Variants in RARB observed in about 807,000 individuals in gnomAD.
RARB encodes HBV-activated protein.
RARB carries 17 observed loss-of-function variants against 51.9 expected under a neutral mutation model. The observed-to-expected ratio is 0.33, with a 90% CI of 0.22 to 0.49. The LOEUF is 0.49. RARB is among the 20% of genes least tolerant of loss of function. RARB has a pLI of 0.99. For synonymous variants in RARB, 215 were observed against 195.4 expected (o/e 1.10, Z -0.84); for missense variants, 369 against 550.8 (o/e 0.67, Z 3.30).
chr3:25,236,428 T>C (rs762381023), intron 5 of RARB, among the ~76,000 whole-genome samples: 1 of 152,158 alleles, frequency 6.6e-6, no homozygotes, highest in Non-Finnish European at 1.5e-5. Context: ...CTGCTGACCT[T>C]CTAAAGACTA....
intron 5 of RARB, among the ~76,000 whole-genome samples, chr3:25,218,440 T>G (rs945871856): frequency 6.6e-6 from 1 of 152,084 alleles, no homozygotes; most frequent in Non-Finnish European, 1.5e-5. Flanking sequence ...TTGTGAAAAG[T>G]GTCATTGTAA....
chr3:25,440,594 A>T (rs1708627172), intron 1 of RARB, among the ~76,000 whole-genome samples: 1 of 152,078 alleles, frequency 6.6e-6, no homozygotes, highest in Non-Finnish European at 1.5e-5. Flanking sequence ...AATGTGGTGA[A>T]ACCCCGTCTC....
chr3:25,496,448 T>A (rs1053811715), intron 2 of RARB, among the ~76,000 whole-genome samples: 38 of 152,140 alleles, frequency 2.5e-4, no homozygotes, highest in African/African-American at 8.9e-4. Flanking sequence ...GAACCAGCCT[T>A]TATACCTATC....
At chr3:25,254,523 T>C (rs572029520) in intron 5 of RARB, among the ~76,000 whole-genome samples, 5 of 152,186 alleles carry the variant, frequency 3.3e-5, no homozygotes, top group African/African-American at 4.8e-5. Flanking sequence ...AATATCATTA[T>C]TGGGACACTA....
Position 25,235,130 on chromosome 3 carries a change from T to C in RARB, c.178+60555T>C, listed in dbSNP as rs139417755. ...CACAGGCCACTAAGCTTATCCTCAGTAAACCAGAAAACTTAGTGGTTCTGG... is the reference window on the plus strand; with the variant it reads ...CACAGGCCACTAAGCTTATCCTCAGCAAACCAGAAAACTTAGTGGTTCTGG... On this transcript the variant is annotated intron_variant, in intron 5 of 11. Transcript: ENST00000383772. Among the ~76,000 whole-genome samples, 300 of 152,314 alleles carry C rather than the reference T, an allele frequency of 2.0e-3. 1 individual carries two copies. The highest frequency in any genetic ancestry group is 5.5e-3 in the African/African-American group (229 of 41,580).
At chr3:25,232,306 A>T (rs753734762) in intron 5 of RARB, among the ~76,000 whole-genome samples, 18 of 152,164 alleles carry the variant, frequency 1.2e-4, no homozygotes, top group Non-Finnish European at 2.4e-4. Context: ...TAACAACTTC[A>T]GTTCCTTTGA....
upstream of RARB, among the ~76,000 whole-genome samples, chr3:25,426,812 T>C (rs1362857899): frequency 6.6e-6 from 1 of 152,234 alleles, no homozygotes; most frequent in African/African-American, 2.4e-5. Flanking sequence ...AGATTGGCTC[T>C]CCCTTTTAAA....
At position 25,044,857 on chromosome 3, in the gene RARB, C is replaced by G. The variant is rs186111853; in HGVS notation, c.-379-15268C>G. On this transcript the variant is annotated intron_variant, in intron 2 of 11. Transcript: ENST00000383772. ...CCAGTACTGGAATCTTTGAACCATTCTTTCCCCCAGACAGCAGTCCTGTCT... is the reference window on the plus strand; with the variant it reads ...CCAGTACTGGAATCTTTGAACCATTGTTTCCCCCAGACAGCAGTCCTGTCT... Among the ~76,000 whole-genome samples the G allele has an allele frequency of 1.8e-3, 276 of 152,278 alleles. 1 individual carries two copies. The highest frequency in any genetic ancestry group is 6.4e-3 in the African/African-American group (268 of 41,552).
rs565204711 is a variant in RARB, at chr3:25,497,788, A to G, written c.307-3394A>G. 3.9e-5 allele frequency among the ~76,000 whole-genome samples: 6 copies of G among 152,114 alleles called. No homozygotes were observed. The South Asian group carries it at 1.2e-3, about 32-fold the overall frequency. On this transcript the variant is annotated intron_variant, in intron 2 of 7. Coordinates refer to ENST00000330688, the MANE Select transcript of RARB (RefSeq NM_000965.5). ...TCCTCTGTACACGCTCAACTTTTGA[A>G]CCTCCTCTTCTCCAGATGTGTCTAA...
chr3:24,922,552 A>C (rs1258530932), intron 2 of RARB, among the ~76,000 whole-genome samples: 1 of 152,182 alleles, frequency 6.6e-6, no homozygotes, highest in Non-Finnish European at 1.5e-5. Flanking sequence ...ATCCTGTCAA[A>C]AGTCACACAC....
intron 2 of RARB, among the ~76,000 whole-genome samples, chr3:24,988,497 T>A (rs1325650394): frequency 6.6e-6 from 1 of 152,202 alleles, no homozygotes; most frequent in Non-Finnish European, 1.5e-5. Context: ...TCCAATCTCA[T>A]TTCCTTCCCT....
chr3:25,220,520 G>A (rs1701924576), intron 5 of RARB, among the ~76,000 whole-genome samples: 1 of 152,172 alleles, frequency 6.6e-6, no homozygotes, highest in Admixed American at 6.5e-5. Context: ...TCAAGGGAGA[G>A]ACCACACGGA....
rs566222130 is a variant in RARB at position 25,201,758 on chromosome 3, G to A, written c.178+27183G>A. Among the ~76,000 whole-genome samples the A allele has an allele frequency of 2.6e-5, 4 of 152,280 alleles. No individual in the cohort carries two copies. In the East Asian group the frequency reaches 5.8e-4, roughly 22 times the overall value. On this transcript the variant is annotated intron_variant, in intron 5 of 11. Transcript: ENST00000383772. ...TTATTGGTTTTCGTATGTTGAACCA[G>A]CCTTGCATCCCAGGGATGAAGCCCA...
chr3:25,075,432 C>T (rs1575148467), intron 3 of RARB, among the ~76,000 whole-genome samples: 1 of 152,248 alleles, frequency 6.6e-6, no homozygotes, highest in Non-Finnish European at 1.5e-5. Context: ...GGCAAAAGAG[C>T]AGAAAGATGG....
At chr3:25,375,695 G>A (rs1033597662) in intron 5 of RARB, among the ~76,000 whole-genome samples, 4 of 152,302 alleles carry the variant, frequency 2.6e-5, no homozygotes, top group Non-Finnish European at 4.4e-5. Flanking sequence ...AATTAGTTGA[G>A]AGAATCTCTA....
At chr3:24,861,568 T>C (rs1313646677) in intron 2 of RARB, among the ~76,000 whole-genome samples, 1 of 146,292 alleles carries the variant, frequency 6.8e-6, no homozygotes, top group East Asian at 2.0e-4. Flanking sequence ...AATAAACTTA[T>C]CCTTGTTAAC....
At chr3:24,995,796 T>A (rs1438085376) in intron 2 of RARB, among the ~76,000 whole-genome samples, 2 of 152,184 alleles carry the variant, frequency 1.3e-5, no homozygotes, top group Admixed American at 1.3e-4. Flanking sequence ...CATCCTTGTA[T>A]CCCTGGGATA....
intron 3 of RARB, among the ~76,000 whole-genome samples, chr3:25,124,375 A>C (rs935899178): frequency 6.6e-6 from 1 of 152,202 alleles, no homozygotes; most frequent in Non-Finnish European, 1.5e-5. Context: ...CTGTCTCAAA[A>C]AGAAAGAAAT....
intron 3 of RARB, among the ~76,000 whole-genome samples, chr3:25,568,729 G>A (rs1700592615): frequency 6.6e-6 from 1 of 152,224 alleles, no homozygotes; most frequent in African/African-American, 2.4e-5. Context: ...ATTTTGCAGT[G>A]CAGATTCCCA....
Sources: allele counts gnomAD v4.1 joint callset (sites outside exome capture counted in the v4.1 genomes callset), GRCh38; gene constraint gnomAD v4.1.1; transcripts MANE v1.5; gene names NCBI Gene and HGNC (gene_info 2026-07-23, HGNC 2026-07-21).